ST3GAL3: variants seen among roughly 807,000 people sequenced by gnomAD.
ST3GAL3 encodes CMP-N-acetylneuraminate-beta-1,4-galactoside alpha-2,3-sialyltransferase.
ST3GAL3 carries 21 observed loss-of-function variants against 50.1 expected under a neutral mutation model. That is an observed-to-expected ratio of 0.42 (90% confidence interval 0.30 to 0.60). ST3GAL3 has a LOEUF of 0.60. Among genes scored for constraint, ST3GAL3 ranks in the 20% least tolerant of loss-of-function variants. ST3GAL3 has a pLI of 0.19. For missense variants in ST3GAL3, 353 were observed against 489.4 expected (o/e 0.72, Z 2.63); for synonymous variants, 183 against 190.0 (o/e 0.96, Z 0.30).
intron 3 of ST3GAL3, among the ~76,000 whole-genome samples, chr1:43,800,162 A>G (rs1217215025): frequency 6.6e-6 from 1 of 152,168 alleles, no homozygotes; most frequent in African/African-American, 2.4e-5. Context: ...GAAGCTTCCT[A>G]CTAGGCCTCT....
chr1:43,725,517 A>G (rs898145737), intron 1 of ST3GAL3, among the ~76,000 whole-genome samples: 1 of 152,172 alleles, frequency 6.6e-6, no homozygotes, highest in Non-Finnish European at 1.5e-5. Context: ...TTTTCTGACC[A>G]TACAGGGAGG....
intron 4 of ST3GAL3, among the ~76,000 whole-genome samples, chr1:43,821,681 C>G (rs983848710): frequency 2.0e-5 from 3 of 152,122 alleles, no homozygotes; most frequent in African/African-American, 7.2e-5. Context: ...GAATTGACCC[C>G]GTCTTCCCCA....
rs764808181 is a variant in ST3GAL3 at position 43,814,900 on chromosome 1, G to A, written c.176G>A (p.Arg59Gln). The A allele has an allele frequency of 7.0e-5, 113 of 1,613,974 alleles. No homozygotes were observed. The highest frequency in any genetic ancestry group is 9.2e-5 in the Non-Finnish European group (109 of 1,180,006). Residue 59 changes from arginine to glutamine, a missense_variant, in exon 4 of 12, where the codon CGG (arginine) becomes CAG (glutamine). Physicochemically the swap from Arg to Gln is conservative, Grantham distance 43. Coordinates refer to ENST00000347631, the MANE Select transcript of ST3GAL3 (RefSeq NM_006279.5). ...TGCTTTTCTTTTTCAGAGTATGATC[G>A]GTTGGGCTTCCTCCTGAATCTGGAC... ...AGQTLGSEYD[R>Q]LGFLLNLDSK...
intron 4 of ST3GAL3, among the ~76,000 whole-genome samples, chr1:43,825,731 A>C (rs72886888): frequency 0.05 from 7,572 of 152,240 alleles, 617 homozygotes; most frequent in African/African-American, 0.17. Flanking sequence ...TTTGACCCTT[A>C]GGAAAATGTT....
chr1:43,859,448 A>G (rs1205287905), intron 5 of ST3GAL3, among the ~76,000 whole-genome samples: 1 of 151,984 alleles, frequency 6.6e-6, no homozygotes, highest in East Asian at 1.9e-4. Flanking sequence ...AATCCCAGCT[A>G]CTCAGGAGGC....
intron 11 of ST3GAL3, chr1:43,921,914 C>T: frequency 2.5e-6 from 1 of 397,458 alleles, no homozygotes; most frequent in Non-Finnish European, 4.4e-6. Flanking sequence ...TTCCAGTGGA[C>T]ACAACGTCAT....
chr1:43,911,628 GATATCT>G (rs139140013), intron 9 of ST3GAL3, among the ~76,000 whole-genome samples: 1 of 131,884 alleles, frequency 7.6e-6, no homozygotes, highest in Admixed American at 7.5e-5. Flanking sequence ...TATATCTATA[GATATCT>G]ATATCTATAG....
chr1:43,795,765 G>T (rs909742333), intron 3 of ST3GAL3, among the ~76,000 whole-genome samples: 2 of 152,146 alleles, frequency 1.3e-5, no homozygotes, highest in Non-Finnish European at 2.9e-5. Flanking sequence ...GCAGCTAAAG[G>T]CCTGTTCAGA....
In ST3GAL3 at chr1:43,834,508, A is replaced by G. The variant is rs191292666; in HGVS notation, c.210-3711A>G. Among the ~76,000 whole-genome samples, 875 of 152,168 alleles carry G rather than the reference A, an allele frequency of 5.8e-3. 4 individuals carry two copies. Among genetic ancestry groups the G allele is most frequent in the Non-Finnish European group, 7.0e-3 (477 of 67,988 alleles). On this transcript the variant is annotated intron_variant, in intron 4 of 11. Coordinates refer to ENST00000347631, the MANE Select transcript of ST3GAL3 (RefSeq NM_006279.5). The stretch of plus-strand genomic sequence containing the variant: ...ATCCAGCATTTAGTCCTGTGGCCAC[A>G]CCTTACTGGACCTCCACAGTGTGTG...
intron 2 of ST3GAL3, among the ~76,000 whole-genome samples, chr1:43,739,546 A>G (rs900912786): frequency 2.0e-5 from 3 of 152,120 alleles, no homozygotes; most frequent in Non-Finnish European, 4.4e-5. Context: ...TATATTATTC[A>G]TTCAGTAAGC....
At chr1:43,858,731 G>A (rs759361883) in intron 5 of ST3GAL3, among the ~76,000 whole-genome samples, 19 of 152,166 alleles carry the variant, frequency 1.2e-4, no homozygotes, top group Admixed American at 3.3e-4. Flanking sequence ...CAAGATGCTG[G>A]CACCTTCAGG....
intron 2 of ST3GAL3, among the ~76,000 whole-genome samples, chr1:43,781,698 C>T (rs569752586): frequency 6.6e-6 from 1 of 152,240 alleles, no homozygotes; most frequent in Non-Finnish European, 1.5e-5. Context: ...AGACTGTGGC[C>T]TACAACGCCT....
chr1:43,738,241 C>T (rs1198541393), intron 2 of ST3GAL3: 1 of 152,202 alleles, frequency 6.6e-6, no homozygotes. Flanking sequence ...AGGTGACAAG[C>T]TGCTATTCAC....
chr1:43,772,294 CGCCTCA>C (rs906566752), intron 2 of ST3GAL3: 1 of 326,490 alleles, frequency 3.1e-6, no homozygotes, highest in Non-Finnish European at 5.5e-6. Context: ...GTGATCCGCC[CGCCTCA>C]GCCTCCCAAA....
rs576591656 is a variant in ST3GAL3, at chr1:43,818,473, A to G, written c.209+3540A>G. Reference sequence around the variant, plus strand: ...TGGCAGAAATAAATGCAGACTTTCCATAGAGGAAGACATACACATTCCTCA... The same window carrying G: ...TGGCAGAAATAAATGCAGACTTTCCGTAGAGGAAGACATACACATTCCTCA... On this transcript the variant is annotated intron_variant, in intron 4 of 11. Transcript: ENST00000347631. Among the ~76,000 whole-genome samples the G allele has an allele frequency of 2.0e-5, 3 of 152,370 alleles. No homozygotes were observed. The East Asian group carries it at 5.8e-4, about 29-fold the overall frequency.
chr1:43,821,718 G>A (rs914112818), intron 4 of ST3GAL3, among the ~76,000 whole-genome samples: 6 of 152,298 alleles, frequency 3.9e-5, no homozygotes, highest in Admixed American at 3.9e-4. Flanking sequence ...GCTGCTACGT[G>A]CAGGCAGCCA....
chr1:43,716,352 T>C (rs1264884484), intron 1 of ST3GAL3: 1 of 152,204 alleles, frequency 6.6e-6, no homozygotes, highest in Non-Finnish European at 1.5e-5. Flanking sequence ...TCTAGAACTC[T>C]TATAAGCACT....
At chr1:43,816,507 G>GA (rs1288181129) in intron 4 of ST3GAL3, among the ~76,000 whole-genome samples, 2 of 151,952 alleles carry the variant, frequency 1.3e-5, no homozygotes, top group Non-Finnish European at 2.9e-5. Context: ...TAGTACTCTG[G>GA]AAAAAAACAA....
chr1:43,824,109 G>C (rs1382318191), intron 4 of ST3GAL3, among the ~76,000 whole-genome samples: 1 of 152,176 alleles, frequency 6.6e-6, no homozygotes, highest in Non-Finnish European at 1.5e-5. Flanking sequence ...GTAAATATTT[G>C]TTCAATCAAT....
Sources: gnomAD v4.1 joint callset for allele counts (sites outside exome capture counted in the v4.1 genomes callset) on GRCh38, gnomAD v4.1.1 for gene constraint, MANE v1.5 for transcripts, NCBI Gene and HGNC (gene_info 2026-07-23, HGNC 2026-07-21) for gene names.